MYO3B: variants seen among roughly 807,000 people sequenced by gnomAD.
MYO3B encodes the protein myosin-IIIb.
MYO3B carries 156 observed loss-of-function variants against 174.6 expected under a neutral mutation model. That is an observed-to-expected ratio of 0.89 (90% CI 0.78 to 1.02). MYO3B has a LOEUF of 1.02. Ranked by LOEUF, MYO3B falls within the 50% of genes least tolerant of loss-of-function variation. The pLI, the probability that MYO3B is intolerant of heterozygous loss-of-function variation, is 0.00. For missense variants in MYO3B, 1,632 were observed against 1,639.4 expected, an observed-to-expected ratio of 1.00 and a Z score of 0.08; for synonymous variants, 563 against 569.1, an observed-to-expected ratio of 0.99 and a Z score of 0.15.
intron 32 of MYO3B, among the ~76,000 whole-genome samples, chr2:170,552,867 C>T (rs114334417): frequency 7.2e-5 from 11 of 152,284 alleles, no homozygotes; most frequent in Non-Finnish European, 1.3e-4. Context: ...TCTGTGCAGC[C>T]TCAGGACATG....
rs1221856849 is a variant in MYO3B, at chr2:170,383,049, C to T, written c.1069-24C>T. The T allele has an allele frequency of 6.4e-6, 9 of 1,407,034 alleles. No individual in the cohort carries two copies. In the Admixed American group the frequency reaches 1.2e-4, roughly 18 times the overall value. The allele number at this position is 1,407,034 out of a possible 1,614,324, so 87.2% of individuals were successfully genotyped here. A position where few individuals can be genotyped will look rare whatever the true frequency, so the allele number is the denominator to read the frequency against. Reference sequence around the variant, plus strand: ...CCTTGACTGGGAATAATATTTACCTCAATACCATTTATCCTCTTCTTAGGA... The same window carrying T: ...CCTTGACTGGGAATAATATTTACCTTAATACCATTTATCCTCTTCTTAGGA... On this transcript the variant is annotated intron_variant, in intron 10 of 34. Transcript: ENST00000408978.
intron 28 of MYO3B, among the ~76,000 whole-genome samples, chr2:170,509,171 A>G (rs1687808756): frequency 6.6e-6 from 1 of 152,230 alleles, no homozygotes; most frequent in African/African-American, 2.4e-5. Context: ...AGCCTGGCCA[A>G]CATGGCAAAA....
intron 3 of MYO3B, among the ~76,000 whole-genome samples, chr2:170,201,152 T>C (rs765240004): frequency 2.2e-4 from 33 of 152,344 alleles, no homozygotes; most frequent in South Asian, 4.1e-4. Flanking sequence ...TTAATGGGAA[T>C]GAATGTGTGC....
At chr2:170,241,640 T>C (rs1236458342) in intron 7 of MYO3B, among the ~76,000 whole-genome samples, 1 of 152,124 alleles carries the variant, frequency 6.6e-6, no homozygotes, top group Non-Finnish European at 1.5e-5. Flanking sequence ...AATCAGATTT[T>C]TGGGAACCCA....
At chr2:170,588,313 C>A (rs562480247) in intron 32 of MYO3B, among the ~76,000 whole-genome samples, 2 of 152,172 alleles carry the variant, frequency 1.3e-5, no homozygotes, top group East Asian at 1.9e-4. Flanking sequence ...GTGGCACATA[C>A]CTGTAGTCCT....
chr2:170,339,669 A>G (rs1335206987), intron 8 of MYO3B, among the ~76,000 whole-genome samples: 4 of 152,246 alleles, frequency 2.6e-5, no homozygotes, highest in Non-Finnish European at 5.9e-5. Context: ...AAAACATCTA[A>G]AAGTCTGAAA....
chr2:170,393,326 C>T (rs879728807), intron 16 of MYO3B, among the ~76,000 whole-genome samples: 37 of 152,040 alleles, frequency 2.4e-4, no homozygotes, highest in Non-Finnish European at 3.2e-4. Context: ...TCAAGTGATC[C>T]ACCTGCCTCA....
At chr2:170,356,620 C>G (rs1574842523) in intron 8 of MYO3B, among the ~76,000 whole-genome samples, 2 of 152,088 alleles carry the variant, frequency 1.3e-5, no homozygotes, top group South Asian at 2.1e-4. Flanking sequence ...CCTCAGCCTC[C>G]CAAAGTGCTG....
chr2:170,327,714 C>T (rs1327942124), intron 7 of MYO3B, among the ~76,000 whole-genome samples: 2 of 151,970 alleles, frequency 1.3e-5, no homozygotes, highest in Non-Finnish European at 2.9e-5. Context: ...CTAACCTGGA[C>T]GAATCTTTCA....
intron 32 of MYO3B, among the ~76,000 whole-genome samples, chr2:170,555,140 T>G (rs1218667487): frequency 6.6e-6 from 1 of 152,224 alleles, no homozygotes. Context: ...AATTTTTGGC[T>G]TACAGAAATA....
intron 25 of MYO3B, among the ~76,000 whole-genome samples, chr2:170,476,932 T>G (rs1340706781): frequency 6.6e-6 from 1 of 152,162 alleles, no homozygotes; most frequent in Non-Finnish European, 1.5e-5. Context: ...ACTGCCATCC[T>G]AGACACAGAC....
At chr2:170,323,123 GT>G (rs2093841097) in intron 7 of MYO3B, among the ~76,000 whole-genome samples, 1 of 152,136 alleles carries the variant, frequency 6.6e-6, no homozygotes, top group South Asian at 2.1e-4. Context: ...TCATAATTAG[GT>G]GCATGGCTTT....
At chr2:170,456,816 G>A (rs947520958) in intron 23 of MYO3B, among the ~76,000 whole-genome samples, 19 of 152,198 alleles carry the variant, frequency 1.2e-4, no homozygotes, top group Admixed American at 1.2e-3. Flanking sequence ...GTTAAATACA[G>A]TCATCAGTCA....
In MYO3B at chr2:170,479,639, A is replaced by G. The variant is rs1353583629; in HGVS notation, c.3014+12928A>G. Among the ~76,000 whole-genome samples, 3 of 146,580 alleles carry G rather than the reference A, an allele frequency of 2.0e-5. No individual in the cohort carries two copies. The Admixed American group carries it at 2.1e-4, about 10-fold the overall frequency. On this transcript the variant is annotated intron_variant, in intron 25 of 34. Transcript: ENST00000408978. ...ATATATAAATATATAGGTTTTATAT[A>G]TACATATATATAACAGATGTTACAT...
intron 32 of MYO3B, among the ~76,000 whole-genome samples, chr2:170,620,076 T>C (rs1440016788): frequency 1.3e-5 from 2 of 152,110 alleles, no homozygotes; most frequent in Non-Finnish European, 2.9e-5. Context: ...TTAGAGGCTG[T>C]CCACCATAAT....
chr2:170,369,036 T>G (rs12105460), intron 8 of MYO3B, among the ~76,000 whole-genome samples, 186 bp from the exon 9 acceptor site: 35,517 of 152,188 alleles, frequency 0.23, 5,103 homozygotes, highest in Middle Eastern at 0.36. Context: ...TTTAATTAAT[T>G]CAACTAATAG....
intron 32 of MYO3B, among the ~76,000 whole-genome samples, chr2:170,619,183 T>C (rs1312460032): frequency 6.6e-6 from 1 of 152,154 alleles, no homozygotes; most frequent in African/African-American, 2.4e-5. Context: ...CATCCGTTTA[T>C]AGGCTCTCCA....
chr2:170,402,095 G>A (rs1468131258), intron 18 of MYO3B, among the ~76,000 whole-genome samples: 8 of 152,202 alleles, frequency 5.3e-5, no homozygotes, highest in Non-Finnish European at 1.2e-4. Context: ...GCTGGGAGCT[G>A]GACAAACTGG....
intron 22 of MYO3B, among the ~76,000 whole-genome samples, chr2:170,430,157 T>C (rs2094697888): frequency 6.6e-6 from 1 of 152,104 alleles, no homozygotes; most frequent in Non-Finnish European, 1.5e-5. Flanking sequence ...GGTACTAGAA[T>C]GAATCCCTCA....
Sources: allele counts gnomAD v4.1 joint callset (sites outside exome capture counted in the v4.1 genomes callset), GRCh38; gene constraint gnomAD v4.1.1; transcripts MANE v1.5; gene names NCBI Gene and HGNC (gene_info 2026-07-23, HGNC 2026-07-21).